The following ZFR variants were observed in gnomAD, a reference collection of about 807,000 sequenced individuals.
ZFR encodes zinc finger RNA-binding protein.
A neutral mutation model predicts 130.7 loss-of-function variants in ZFR; 19 were observed. The observed-to-expected ratio is 0.15, with a 90% confidence interval of 0.10 to 0.21. ZFR has a LOEUF of 0.21. ZFR is among the 10% of genes least tolerant of loss of function. ZFR has a pLI of 1.00. For missense variants in ZFR, 872 were observed against 1,321.5 expected (o/e 0.66, Z 5.27); for synonymous variants, 466 against 456.9 (o/e 1.02, Z -0.25).
chr5:32,385,517 T>C lies in ZFR; in HGVS notation c.2632A>G (p.Arg878Gly). ...TSPIIREENMREGDVTSGMVK... is the reference protein window; with the variant it reads ...TSPIIREENMGEGDVTSGMVK... ...TTAATGGCTTTCCAACCTCCTTCCC[T>C]CATGTTCTCTTCTCGAATAATTGGA... The change falls in exon 15 of 20, where the codon AGG becomes GGG. Residue 878 changes from arginine (R) to glycine (G), a missense_variant. This residue lies in a region of ZFR where 158 missense variants were observed against 264.0 expected (regional missense o/e 0.60). Coordinates refer to ENST00000265069, the MANE Select transcript of ZFR (RefSeq NM_016107.5). The C allele has an allele frequency of 1.9e-6, 3 of 1,613,164 alleles. No individual in the cohort carries two copies. The highest frequency in any genetic ancestry group is 2.5e-6 in the Non-Finnish European group (3 of 1,179,316).
At chr5:32,440,590 T>C (rs1205797292) in intron 2 of ZFR, among the ~76,000 whole-genome samples, 1 of 151,132 alleles carries the variant, frequency 6.6e-6, no homozygotes, top group Admixed American at 6.6e-5. Flanking sequence ...GAGGTTGCAG[T>C]GAGCCAAGAT....
At chr5:32,423,291 C>T (rs1189301436) in intron 2 of ZFR, among the ~76,000 whole-genome samples, 1 of 151,986 alleles carries the variant, frequency 6.6e-6, no homozygotes, top group Non-Finnish European at 1.5e-5. Context: ...TGAGATCATA[C>T]CACTGCAAGC....
chr5:32,430,687 G>A (rs1309132317), intron 2 of ZFR, among the ~76,000 whole-genome samples: 2 of 152,128 alleles, frequency 1.3e-5, no homozygotes, highest in East Asian at 3.8e-4. Context: ...AAACTCTTAT[G>A]AGCAGCCAGA....
chr5:32,396,112 G>A (rs1753303666), intron 10 of ZFR, among the ~76,000 whole-genome samples: 2 of 151,848 alleles, frequency 1.3e-5, no homozygotes, highest in Non-Finnish European at 2.9e-5. Flanking sequence ...CCAGTTACTT[G>A]GGAGGCTGCG....
At position 32,444,614 on chromosome 5, in the gene ZFR, A is replaced by G. The variant is rs1394652271; in HGVS notation, c.37+8T>C. ...GGGCAGAGGCCTCGCGGGCCACATT[A>G]GACTCACCATAGGTGAAAGAAACTA... On this transcript the variant is annotated splice_region_variant and intron_variant, in intron 1 of 19. Transcript: ENST00000265069. 13 of 1,496,128 alleles carry G rather than the reference A, an allele frequency of 8.7e-6. No individual in the cohort carries two copies. Among genetic ancestry groups the G allele is most frequent in the Non-Finnish European group, 1.2e-5 (13 of 1,124,038 alleles). 92.7% of individuals were successfully genotyped at this position (1,496,128 alleles called of 1,614,324 possible). A position where few individuals can be genotyped will look rare whatever the true frequency, so the allele number is the denominator to read the frequency against.
In ZFR at chr5:32,444,260, C is replaced by T; in HGVS notation, c.106G>A (p.Ala36Thr). 1.3e-6 allele frequency: 2 copies of T among 1,569,478 alleles called. No individual in the cohort carries two copies. The highest frequency in any genetic ancestry group is 1.7e-6 in the Non-Finnish European group (2 of 1,159,294). The stretch of plus-strand genomic sequence containing the variant: ...TGGGCCGCAGCCGCCGCCGCCGCCG[C>T]CCCGCTGTGGGTGAATCCAAAGTAG... ...GNYFGFTHSG[A>T]AAAAAAAQYS... Residue 36 changes from alanine to threonine, a missense_variant, in exon 2 of 20, where the codon GCG (alanine) becomes ACG (threonine). Ala to Thr is a moderately conservative substitution (Grantham distance 58). This residue lies in a region of ZFR where 240 missense variants were observed against 441.2 expected (regional missense o/e 0.54). Transcript: ENST00000265069.
intron 2 of ZFR, among the ~76,000 whole-genome samples, chr5:32,442,513 T>C (rs1287245744): frequency 6.6e-6 from 1 of 152,234 alleles, no homozygotes; most frequent in Non-Finnish European, 1.5e-5. Context: ...AGCAAACGAT[T>C]TGCTAATACT....
At chr5:32,433,890 G>C (rs139778450) in intron 2 of ZFR, among the ~76,000 whole-genome samples, 1 of 152,010 alleles carries the variant, frequency 6.6e-6, no homozygotes, top group Non-Finnish European at 1.5e-5. Flanking sequence ...AGACCAACCT[G>C]GGCAACATGG....
At chr5:32,421,175 T>C (rs1203316750) in intron 2 of ZFR, among the ~76,000 whole-genome samples, 2 of 152,118 alleles carry the variant, frequency 1.3e-5, no homozygotes, top group Non-Finnish European at 2.9e-5. Context: ...AATAATACAC[T>C]CAATTCCACA....
intron 11 of ZFR, among the ~76,000 whole-genome samples, chr5:32,391,848 C>T (rs751486566): frequency 6.6e-6 from 1 of 151,980 alleles, no homozygotes; most frequent in Non-Finnish European, 1.5e-5. Flanking sequence ...ATCCTCCCAC[C>T]TCAGCCCCCC....
intron 17 of ZFR, among the ~76,000 whole-genome samples, chr5:32,377,780 G>A (rs1040645673): frequency 2.6e-5 from 4 of 151,790 alleles, no homozygotes; most frequent in Admixed American, 2.0e-4. Flanking sequence ...TCCACCTCCC[G>A]GGTTCAAGTG....
rs1017981294 is a variant in ZFR at position 32,399,333 on chromosome 5, C to A, written c.1713+674G>T. On this transcript the variant is annotated intron_variant, in intron 9 of 19. Transcript: ENST00000265069. ...CAAAAACTCTCCTAGATGCTAGACA[C>A]CATGCTAGGTACTTTATTTCATCTA... Among the ~76,000 whole-genome samples the A allele has an allele frequency of 2.0e-5, 3 of 151,958 alleles. No homozygotes were observed. In the South Asian group the frequency reaches 6.2e-4, roughly 32 times the overall value.
intron 5 of ZFR, among the ~76,000 whole-genome samples, chr5:32,412,483 G>A (rs1036413393): frequency 6.6e-6 from 1 of 152,154 alleles, no homozygotes; most frequent in Non-Finnish European, 1.5e-5. Flanking sequence ...CATGATCCTT[G>A]ACTAGATTCT....
intron 17 of ZFR, among the ~76,000 whole-genome samples, chr5:32,373,264 A>AGG (rs2111688642): frequency 6.6e-6 from 1 of 152,214 alleles, no homozygotes; most frequent in South Asian, 2.1e-4. Flanking sequence ...GTGGTGGTGC[A>AGG]TGCCTGTAAT....
chr5:32,376,480 A>C (rs1752811929), intron 17 of ZFR, among the ~76,000 whole-genome samples: 1 of 151,898 alleles, frequency 6.6e-6, no homozygotes, highest in Non-Finnish European at 1.5e-5. Context: ...CCCCGTTTCT[A>C]CTAAAATATA....
At chr5:32,377,087 C>T (rs1156231953) in intron 17 of ZFR, among the ~76,000 whole-genome samples, 5 of 147,990 alleles carry the variant, frequency 3.4e-5, no homozygotes, top group Admixed American at 6.8e-5. Flanking sequence ...ACCTGGGAGG[C>T]GGAGCTTGCA....
intron 15 of ZFR, chr5:32,383,627 ACT>A (rs1259652741): frequency 2.8e-6 from 1 of 353,904 alleles, no homozygotes; most frequent in African/African-American, 2.1e-5. Context: ...GCAAGTAGTA[ACT>A]CTCATGATTT....
intron 2 of ZFR, among the ~76,000 whole-genome samples, chr5:32,424,310 G>A (rs769491971): frequency 6.6e-6 from 1 of 152,178 alleles, no homozygotes; most frequent in East Asian, 1.9e-4. Flanking sequence ...TTGGGAGGCC[G>A]AGGTGGGTGG....
At position 32,404,009 on chromosome 5, in the gene ZFR, G is replaced by C; in HGVS notation, c.1121C>G (p.Ser374Cys). ...ASQNTSSSNS[S>C]TRGTQNQLRC... ...TAGCTGATTTTGAGTCCCACGAGTA[G>C]AACTGTTGCTGCTGCTGGTATTTTG... Residue 374 changes from serine (S) to cysteine (C), a missense_variant, in exon 7 of 20, where the codon TCT (serine) becomes TGT (cysteine). Transcript: ENST00000265069. 10 of 1,614,100 alleles carry C rather than the reference G, an allele frequency of 6.2e-6. No individual in the cohort carries two copies. Among genetic ancestry groups the C allele is most frequent in the Non-Finnish European group, 8.5e-6 (10 of 1,179,982 alleles).
Sources: gnomAD v4.1 joint callset for allele counts (sites outside exome capture counted in the v4.1 genomes callset) on GRCh38, gnomAD v4.1.1 for gene constraint, gnomAD v4.1.1 regional missense constraint, MANE v1.5 for transcripts, NCBI Gene and HGNC (gene_info 2026-07-23, HGNC 2026-07-21) for gene names.